CLCN5: variants seen among roughly 807,000 people sequenced by gnomAD.
The protein encoded by CLCN5 is Cl-/H+ antiporter 5.
A neutral mutation model predicts 54.0 loss-of-function variants in CLCN5; 17 were observed. The ratio of observed to expected loss-of-function variants is 0.31; its 90% CI spans 0.22 to 0.47. The LOEUF (loss-of-function observed/expected upper bound fraction) is 0.47, where lower values mean the gene tolerates loss of function less well. Ranked by LOEUF, CLCN5 falls within the 20% of genes least tolerant of loss-of-function variation. CLCN5 has a pLI of 1.00. For synonymous variants in CLCN5, 222 were observed against 233.0 expected (o/e 0.95, Z 0.43); for missense variants, 448 against 646.7 (o/e 0.69, Z 3.33).
intron 3 of CLCN5, among the ~76,000 whole-genome samples, chrX:49,930,384 C>T (rs1229286000): frequency 8.9e-6 from 1 of 111,964 alleles, no homozygotes; most frequent in African/African-American, 3.2e-5. Context: ...TAAGGGTATG[C>T]ACAAAGATGT....
At chrX:49,951,088 A>G (rs1247867438) in intron 3 of CLCN5, among the ~76,000 whole-genome samples, 4 of 111,901 alleles carry the variant, frequency 3.6e-5, no homozygotes, top group African/African-American at 1.3e-4. Flanking sequence ...CCATTGAAGT[A>G]ATATTTTGGA....
chrX:50,033,640 A>G (rs2147461027), intron 3 of CLCN5, among the ~76,000 whole-genome samples: 1 of 111,266 alleles, frequency 9.0e-6, no homozygotes, highest in East Asian at 2.8e-4. Context: ...GCTACCAATG[A>G]CTTTCTTCAC....
chrX:49,925,189 T>TATG lies in CLCN5; in HGVS notation c.-110_-109insATG. On this transcript the variant is annotated 5_prime_UTR_variant, in exon 3 of 15. In the 5' UTR this introduces an upstream ATG that the reference lacks. Transcript: ENST00000376091. Reference sequence around the variant, plus strand: ...TTTTCAGGTTTGGGGCTTTAGCCCCTTGGAGAAAACAGGGCCACATAGCTG... The same window carrying TATG: ...TTTTCAGGTTTGGGGCTTTAGCCCCTATGTGGAGAAAACAGGGCCACATAGCTG... 1 of 847,743 alleles carries TATG rather than the reference T, an allele frequency of 1.2e-6. No homozygotes were observed. 69.9% of individuals were successfully genotyped at this position (847,743 alleles called of 1,213,427 possible).
Position 50,088,750 on chromosome X carries a change from G to A in CLCN5, c.1610G>A (p.Arg537Gln). The stretch of plus-strand genomic sequence containing the variant: ...ATGGCTGTTGGTGCTATAGCAGGTC[G>A]ACTTCTAGGAGTAGGAATGGAACAG... ...PSMAVGAIAG[R>Q]LLGVGMEQLA... Residue 537 changes from arginine to glutamine, a missense_variant, in exon 12 of 15, where the codon CGA becomes CAA. By Grantham distance (43) the Arg-to-Gln change is conservative. Around this residue, in one of 5 missense-constraint regions of CLCN5, gnomAD observed 297 missense variants for 470.4 expected, o/e 0.63. Coordinates refer to ENST00000376091, the MANE Select transcript of CLCN5 (RefSeq NM_001127898.4). 3.3e-6 allele frequency: 4 copies of A among 1,211,347 alleles called. No individual in the cohort carries two copies. The highest frequency in any genetic ancestry group is 3.0e-5 in the East Asian group (1 of 33,844).
At chrX:50,053,964 C>A (rs1389520512) in intron 4 of CLCN5, among the ~76,000 whole-genome samples, 2 of 110,148 alleles carry the variant, frequency 1.8e-5, no homozygotes, top group African/African-American at 3.3e-5. Flanking sequence ...TTGTTTTTGT[C>A]TCTCCTCTTG....
intron 3 of CLCN5, among the ~76,000 whole-genome samples, chrX:49,941,920 CTTTTTTTTTT>C (rs782574821): frequency 5.0e-5 from 3 of 60,567 alleles, no homozygotes; most frequent in Admixed American, 1.9e-4. Flanking sequence ...CAATCAGTAT[CTTTTTTTTTT>C]TTTTTTTTTT....
At chrX:50,035,017 C>G (rs1931924218) in intron 3 of CLCN5, among the ~76,000 whole-genome samples, 1 of 111,462 alleles carries the variant, frequency 9.0e-6, no homozygotes, top group Admixed American at 9.5e-5. Context: ...CTGTCTCTAT[C>G]CATTTGTTCA....
intron 3 of CLCN5, 68 bp downstream of exon 3, chrX:49,925,382 C>T (rs1387046625): frequency 1.9e-5 from 20 of 1,054,543 alleles, no homozygotes; most frequent in Non-Finnish European, 2.1e-5. Flanking sequence ...CTCACCCAAC[C>T]GTTCCCCACC....
intron 3 of CLCN5, among the ~76,000 whole-genome samples, chrX:49,955,166 C>T (rs1927254050): frequency 9.0e-6 from 1 of 111,682 alleles, no homozygotes; most frequent in Non-Finnish European, 1.9e-5. Flanking sequence ...ACCACCATTC[C>T]ACCCAACTAG....
At chrX:49,980,636 T>G (rs1365322085) in intron 3 of CLCN5, among the ~76,000 whole-genome samples, 1 of 111,866 alleles carries the variant, frequency 8.9e-6, no homozygotes, top group Non-Finnish European at 1.9e-5. Context: ...AATACGGAGT[T>G]TTCTCTCCAG....
intron 11 of CLCN5, among the ~76,000 whole-genome samples, chrX:50,087,250 A>C: frequency 8.9e-6 from 1 of 112,120 alleles, no homozygotes; most frequent in Non-Finnish European, 1.9e-5. Flanking sequence ...GTGGCTTTAG[A>C]GTTTACCAAT....
At position 49,964,812 on chromosome X, in the gene CLCN5, G is replaced by A. The variant is rs1557175250; in HGVS notation, c.16+39498G>A. Among the ~76,000 whole-genome samples, 3 of 110,497 alleles carry A rather than the reference G, an allele frequency of 2.7e-5. No homozygotes were observed. In the Admixed American group the frequency reaches 2.9e-4, roughly 11 times the overall value. ...CTATGTACCAGGCACTTGTCTCCAA[G>A]GCTCATTCTTTCGGCCATCACACTG... On this transcript the variant is annotated intron_variant, in intron 3 of 14. Coordinates refer to ENST00000376091, the MANE Select transcript of CLCN5 (RefSeq NM_001127898.4).
chrX:50,062,140 C>G (rs1185931254), intron 4 of CLCN5, among the ~76,000 whole-genome samples: 1 of 103,609 alleles, frequency 9.7e-6, no homozygotes, highest in Non-Finnish European at 2.0e-5. Flanking sequence ...ATGACAGGAT[C>G]AAATTCACAC....
At chrX:50,044,224 C>A (rs113416081) in intron 4 of CLCN5, among the ~76,000 whole-genome samples, 12,512 of 111,130 alleles carry the variant, frequency 0.11, 1,719 homozygotes, top group African/African-American at 0.39. Flanking sequence ...TGCTACAACC[C>A]TGTATTATAA....
At chrX:49,983,025 A>G (rs1357939849) in intron 3 of CLCN5, among the ~76,000 whole-genome samples, 1 of 112,406 alleles carries the variant, frequency 8.9e-6, no homozygotes, top group Non-Finnish European at 1.9e-5. Context: ...AATTAACATT[A>G]CAATTTGGTG....
At chrX:50,083,208 A>C (rs576080352) in intron 9 of CLCN5, among the ~76,000 whole-genome samples, 1 of 110,644 alleles carries the variant, frequency 9.0e-6, no homozygotes, top group African/African-American at 3.3e-5. Context: ...AAAAAAAAAA[A>C]TTAACCACAA....
In CLCN5 at chrX:49,961,987, T is replaced by C. The variant is rs183837303; in HGVS notation, c.16+36673T>C. Among the ~76,000 whole-genome samples the C allele has an allele frequency of 2.0e-4, 22 of 112,039 alleles. 1 individual carries two copies. The highest frequency in any genetic ancestry group is 3.9e-4 in the Non-Finnish European group (21 of 53,215). On this transcript the variant is annotated intron_variant, in intron 3 of 14. Coordinates refer to ENST00000376091, the MANE Select transcript of CLCN5 (RefSeq NM_001127898.4). ...TAGCAAGATATTCATTTCTCATATC[T>C]TCTCTCCTAGTGAAAAGTCATGACC...
At chrX:49,954,194 GA>G (rs2147294085) in intron 3 of CLCN5, among the ~76,000 whole-genome samples, 1 of 111,402 alleles carries the variant, frequency 9.0e-6, no homozygotes, top group Non-Finnish European at 1.9e-5. Flanking sequence ...ACAGAGCAAG[GA>G]ATTCTAAGGG....
At chrX:49,988,636 G>T (rs1929094372) in intron 3 of CLCN5, among the ~76,000 whole-genome samples, 1 of 111,290 alleles carries the variant, frequency 9.0e-6, no homozygotes, top group African/African-American at 3.3e-5. Flanking sequence ...CTTGTAAACT[G>T]TCATAGACAG....
Sources: allele counts gnomAD v4.1 joint callset (sites outside exome capture counted in the v4.1 genomes callset), GRCh38; gene constraint gnomAD v4.1.1; regional missense constraint gnomAD v4.1.1; transcripts MANE v1.5; gene names NCBI Gene and HGNC (gene_info 2026-07-23, HGNC 2026-07-21).